The following KLHL12 variants were observed in gnomAD, a reference collection of about 807,000 sequenced individuals.
KLHL12 encodes kelch like family member 12, also known as kelch-like protein 12.
A neutral mutation model predicts 60.8 loss-of-function variants in KLHL12; 17 were observed. The observed-to-expected ratio is 0.28, with a 90% CI of 0.19 to 0.42. KLHL12 has a LOEUF of 0.42. KLHL12 is among the 10% of genes least tolerant of loss of function. KLHL12 has a pLI of 1.00. For synonymous variants in KLHL12, 220 were observed against 250.9 expected (o/e 0.88, Z 1.16); for missense variants, 468 against 722.3 (o/e 0.65, Z 4.04).
At chr1:202,914,639 G>A (rs1342370788) in intron 4 of KLHL12, among the ~76,000 whole-genome samples, 2 of 152,034 alleles carry the variant, frequency 1.3e-5, no homozygotes, top group Non-Finnish European at 2.9e-5. Context: ...AGGCCGAGGC[G>A]GGTGGATCAC....
Position 202,893,577 on chromosome 1 carries a change from C to A in KLHL12, c.1394-152G>T. 1.7e-6 allele frequency: 1 copy of A among 574,192 alleles called. No homozygotes were observed. The highest frequency in any genetic ancestry group is 3.0e-6 in the Non-Finnish European group (1 of 328,596). 35.6% of individuals were successfully genotyped at this position (574,192 alleles called of 1,614,324 possible). On this transcript the variant is annotated intron_variant, in intron 10 of 11. Coordinates refer to ENST00000367261, the MANE Select transcript of KLHL12 (RefSeq NM_021633.4). This position sits in a 1 kb window ranked among gnomAD's most constrained non-coding sequence, Gnocchi z 4.1. ...ACGGGCCTAGAATAATCTAGTCCAGCACAAGTTATTCCATCTATAAACCCT... is the reference window on the plus strand; with the variant it reads ...ACGGGCCTAGAATAATCTAGTCCAGAACAAGTTATTCCATCTATAAACCCT...
At position 202,892,375 on chromosome 1, in the gene KLHL12, G is replaced by A. The variant is rs889129503; in HGVS notation, c.*158C>T. 27 of 690,796 alleles carry A rather than the reference G, an allele frequency of 3.9e-5. No homozygotes were observed. The highest frequency in any genetic ancestry group is 7.3e-5 in the African/African-American group (4 of 54,690). 42.8% of individuals were successfully genotyped at this position (690,796 alleles called of 1,614,324 possible). Reference sequence around the variant, plus strand: ...TCTCAGGAACAAGAACCAGGACGACGGGGAGTATGTGTCAAATAAGTACAA... The same window carrying A: ...TCTCAGGAACAAGAACCAGGACGACAGGGAGTATGTGTCAAATAAGTACAA... On this transcript the variant is annotated 3_prime_UTR_variant, in exon 12 of 12. Transcript: ENST00000367261.
intron 2 of KLHL12, 44 bp from the exon 3 acceptor site, chr1:202,919,952 C>T (rs779928725): frequency 1.3e-6 from 2 of 1,501,758 alleles, no homozygotes; most frequent in South Asian, 1.1e-5. Context: ...TATAATTCCA[C>T]AAGATAAAGG....
At chr1:202,894,341 GTTTT>G (rs1659765770) in intron 9 of KLHL12, 59 bp from the exon 10 acceptor site, 1 of 1,194,276 alleles carries the variant, frequency 8.4e-7, no homozygotes, top group South Asian at 1.3e-5. Flanking sequence ...TTCCTGGTCG[GTTTT>G]TTTCTGAGTG....
At chr1:202,910,996 T>C (rs1369486584) in intron 5 of KLHL12, 58 bp downstream of exon 5, 5 of 1,583,316 alleles carry the variant, frequency 3.2e-6, no homozygotes, top group Non-Finnish European at 2.6e-6. Flanking sequence ...TTTGAATACA[T>C]AACACTAAGG....
Position 202,895,904 on chromosome 1 carries a change from T to C in KLHL12, c.940-187A>G, listed in dbSNP as rs939219949. Among the ~76,000 whole-genome samples, 3 of 152,202 alleles carry C rather than the reference T, an allele frequency of 2.0e-5. No homozygotes were observed. The highest frequency in any genetic ancestry group is 7.2e-5 in the African/African-American group (3 of 41,450). ...TACCTACTGAACGAAATGCCTGTTG[T>C]GGTGCTCTTAAAGATACAAGCTTTC... On this transcript the variant is annotated intron_variant, in intron 7 of 11. Transcript: ENST00000367261. This position sits in a 1 kb window ranked among gnomAD's most constrained non-coding sequence, Gnocchi z 4.2.
chr1:202,901,913 T>C (rs1021597449), intron 6 of KLHL12, among the ~76,000 whole-genome samples: 2 of 152,190 alleles, frequency 1.3e-5, no homozygotes, highest in African/African-American at 4.8e-5. Flanking sequence ...ACTCAAGGAC[T>C]AGTATAATCA....
At chr1:202,917,564 T>C (rs1176837747) in intron 4 of KLHL12, among the ~76,000 whole-genome samples, 1 of 152,182 alleles carries the variant, frequency 6.6e-6, no homozygotes, top group Non-Finnish European at 1.5e-5. Flanking sequence ...CGCTGCATCC[T>C]CACAAGACAG....
chr1:202,894,831 C>G, intron 8 of KLHL12, 82 bp from the exon 9 acceptor site: 4 of 1,206,780 alleles, frequency 3.3e-6, no homozygotes, highest in Non-Finnish European at 4.8e-6. Flanking sequence ...TTCCAAGGGT[C>G]CTTTAAAAGT....
intron 2 of KLHL12, among the ~76,000 whole-genome samples, chr1:202,924,299 TCATTA>T (rs1653412739): frequency 6.6e-6 from 1 of 152,246 alleles, no homozygotes; most frequent in South Asian, 2.1e-4. Context: ...GTACAGCTAT[TCATTA>T]AAAACTCTTC....
At chr1:202,912,977 T>C (rs376898815) in intron 4 of KLHL12, among the ~76,000 whole-genome samples, 8 of 151,736 alleles carry the variant, frequency 5.3e-5, no homozygotes, top group African/African-American at 1.7e-4. Flanking sequence ...CAACAAAGGG[T>C]TTTAATGCAG....
intron 2 of KLHL12, among the ~76,000 whole-genome samples, chr1:202,923,739 G>C (rs1233927905): frequency 6.6e-6 from 1 of 152,004 alleles, no homozygotes; most frequent in Admixed American, 6.6e-5. Context: ...GGGTGAGTCA[G>C]ATATGCACAA....
rs767629892 is a variant in KLHL12, at chr1:202,911,036, G to A, written c.717+18C>T. The A allele has an allele frequency of 6.2e-6, 10 of 1,612,450 alleles. No homozygotes were observed. The highest frequency in any genetic ancestry group is 2.2e-5 in the East Asian group (1 of 44,854). ...AGTCCGTCAAGGTTTTGGATCCTGA[G>A]AGTGTTGCACTACTTACCTCAGCAT... On this transcript the variant is annotated intron_variant, in intron 5 of 11. Coordinates refer to ENST00000367261, the MANE Select transcript of KLHL12 (RefSeq NM_021633.4).
At chr1:202,899,104 G>C (rs1025411754) in intron 6 of KLHL12, among the ~76,000 whole-genome samples, 3 of 151,972 alleles carry the variant, frequency 2.0e-5, no homozygotes, top group African/African-American at 7.3e-5. Context: ...CTTGAGGTAA[G>C]GAGTTTGAGA....
chr1:202,926,851 TACC>T (rs548659688), intron 1 of KLHL12, among the ~76,000 whole-genome samples: 274 of 152,274 alleles, frequency 1.8e-3, no homozygotes, highest in Non-Finnish European at 3.4e-3. Context: ...TTCCTCCTAA[TACC>T]ACCAGGCATA....
At chr1:202,927,757 A>C (rs923504419), upstream of KLHL12, among the ~76,000 whole-genome samples, 5 of 148,636 alleles carry the variant, frequency 3.4e-5, no homozygotes, top group African/African-American at 1.2e-4. Flanking sequence ...AGGCGGGTGT[A>C]TTACTTGAGG....
intron 1 of KLHL12, among the ~76,000 whole-genome samples, chr1:202,925,478 T>C (rs1260025622): frequency 6.6e-6 from 1 of 152,214 alleles, no homozygotes; most frequent in East Asian, 1.9e-4. Context: ...TAAGTAGAGA[T>C]AAACAATATA....
At chr1:202,923,277 T>C (rs1660753779) in intron 2 of KLHL12, among the ~76,000 whole-genome samples, 1 of 152,144 alleles carries the variant, frequency 6.6e-6, no homozygotes, top group Admixed American at 6.5e-5. Flanking sequence ...CAATCAGCCG[T>C]TCTAGTTCAT....
intron 2 of KLHL12, among the ~76,000 whole-genome samples, chr1:202,922,282 A>AG (rs66478765): frequency 0.55 from 82,747 of 151,468 alleles, 23,454 homozygotes; most frequent in Non-Finnish European, 0.62. Context: ...TAAGAGATAA[A>AG]GGGGGGCCGG....
Sources: allele counts gnomAD v4.1 joint callset (sites outside exome capture counted in the v4.1 genomes callset), GRCh38; gene constraint gnomAD v4.1.1; non-coding constraint Gnocchi (gnomAD v3.1); transcripts MANE v1.5; gene names NCBI Gene and HGNC (gene_info 2026-07-23, HGNC 2026-07-21).